Variants in TENT4A observed in about 807,000 individuals in gnomAD.
The protein encoded by TENT4A is DNA polymerase kappa.
Under a neutral mutation model 72.8 loss-of-function variants are expected in TENT4A, and 7 were observed. That is an observed-to-expected ratio of 0.10 (90% CI 0.05 to 0.18). The LOEUF (loss-of-function observed/expected upper bound fraction) is 0.18. Among genes scored for constraint, TENT4A ranks in the 10% least tolerant of loss-of-function variants. The pLI, the probability that TENT4A is intolerant of heterozygous loss-of-function variation, is 1.00. For synonymous variants in TENT4A, 456 were observed against 434.3 expected (o/e 1.05, Z -0.62); for missense variants, 831 against 1,017.7 (o/e 0.82, Z 2.50).
chr5:6,744,610 A>G (rs972645011), intron 6 of TENT4A, among the ~76,000 whole-genome samples: 5 of 152,204 alleles, frequency 3.3e-5, no homozygotes, highest in Non-Finnish European at 5.9e-5. Flanking sequence ...CATGAATGCT[A>G]TGATAGTAGA....
At chr5:6,723,116 T>C (rs1740742800) in intron 1 of TENT4A, among the ~76,000 whole-genome samples, 1 of 152,264 alleles carries the variant, frequency 6.6e-6, no homozygotes, top group Non-Finnish European at 1.5e-5. Flanking sequence ...CAGTAAAAGC[T>C]GTGTTACTCA....
intron 1 of TENT4A, among the ~76,000 whole-genome samples, chr5:6,735,845 C>A (rs1465583719): frequency 6.6e-6 from 1 of 151,606 alleles, no homozygotes; most frequent in East Asian, 1.9e-4. Context: ...ACTGCAGCCT[C>A]TGCCTCCTGG....
intron 11 of TENT4A, 21 bp downstream of exon 11, chr5:6,751,218 C>T (rs1316535524): frequency 1.2e-6 from 2 of 1,613,778 alleles, no homozygotes; most frequent in East Asian, 2.2e-5. Flanking sequence ...CTCTGGCACC[C>T]TTCCCGCTGG....
intron 1 of TENT4A, among the ~76,000 whole-genome samples, chr5:6,735,903 AG>A (rs2126629641): frequency 6.6e-6 from 1 of 152,056 alleles, no homozygotes; most frequent in East Asian, 1.9e-4. Flanking sequence ...TGGGACTACA[AG>A]CATGTGCCAC....
intron 1 of TENT4A, among the ~76,000 whole-genome samples, chr5:6,720,719 T>TAAAA (rs912058455): frequency 2.3e-4 from 32 of 138,648 alleles, no homozygotes; most frequent in East Asian, 2.1e-3. Flanking sequence ...AATAAATAAA[T>TAAAA]AAAAGTTTGC....
At chr5:6,742,431 A>C in intron 4 of TENT4A, 59 bp from the exon 5 acceptor site, 1 of 1,078,706 alleles carries the variant, frequency 9.3e-7, no homozygotes, top group Non-Finnish European at 1.4e-6. Context: ...CAGCATTTTG[A>C]TGCCTGGCTG....
chr5:6,737,783 G>A lies in TENT4A; in HGVS notation c.840+150G>A, dbSNP rs28363344. The A allele has an allele frequency of 1.5e-4, 127 of 847,232 alleles. No individual in the cohort carries two copies. The African/African-American group carries it at 1.8e-3, about 12-fold the overall frequency. 52.5% of individuals were successfully genotyped at this position (847,232 alleles called of 1,614,324 possible). A position where few individuals can be genotyped will look rare whatever the true frequency, so the allele number is the denominator to read the frequency against. Reference sequence around the variant, plus strand: ...CCAAGTGTGCTTTGAGAAGGCCTCCGTTGCCTGGAATGCATGGCCCCCGGC... The same window carrying A: ...CCAAGTGTGCTTTGAGAAGGCCTCCATTGCCTGGAATGCATGGCCCCCGGC... On this transcript the variant is annotated intron_variant, in intron 2 of 12. Transcript: ENST00000230859.
At chr5:6,719,063 C>T (rs1740524141) in intron 1 of TENT4A, among the ~76,000 whole-genome samples, 1 of 151,950 alleles carries the variant, frequency 6.6e-6, no homozygotes, top group Admixed American at 6.5e-5. Context: ...TGTGATGGAA[C>T]AACAGTGTCA....
At chr5:6,746,523 G>T (rs1206621061) in intron 7 of TENT4A, 96 bp downstream of exon 7, 12 of 1,077,758 alleles carry the variant, frequency 1.1e-5, no homozygotes, top group Non-Finnish European at 1.5e-5. Flanking sequence ...GCCCCGGGCA[G>T]TTCATTTGCT....
intron 1 of TENT4A, among the ~76,000 whole-genome samples, chr5:6,729,773 G>T (rs1417578697): frequency 2.0e-5 from 3 of 152,214 alleles, no homozygotes; most frequent in South Asian, 4.1e-4. Context: ...TGGTTTTTTT[G>T]TGTGTGTGTG....
At chr5:6,721,914 C>A (rs566086998) in intron 1 of TENT4A, among the ~76,000 whole-genome samples, 1 of 152,270 alleles carries the variant, frequency 6.6e-6, no homozygotes, top group East Asian at 1.9e-4. Flanking sequence ...TTCTGTCTTT[C>A]CGTTTGAAAG....
chr5:6,714,346 G>T lies in TENT4A; in HGVS notation c.363G>T (p.Ser121=). ...SSSSSSSNAE[S]GTESPGCSSS... is the part of the protein sequence containing the mutation. The stretch of plus-strand genomic sequence containing the variant: ...CGTCCTCCTCGTCCAACGCGGAGTC[G>T]GGCACCGAGAGCCCCGGCTGCTCGT... Residue 121 remains serine (S), a synonymous_variant, in exon 1 of 13, where the codon TCG becomes TCT. Coordinates refer to ENST00000230859, the MANE Select transcript of TENT4A (RefSeq NM_006999.6). The T allele has an allele frequency of 8.8e-7, 1 of 1,135,634 alleles. No homozygotes were observed. The highest frequency in any genetic ancestry group is 1.1e-6 in the Non-Finnish European group (1 of 926,676). The allele number at this position is 1,135,634 out of a possible 1,614,324, so 70.3% of individuals were successfully genotyped here. A position where few individuals can be genotyped will look rare whatever the true frequency, so the allele number is the denominator to read the frequency against.
intron 1 of TENT4A, among the ~76,000 whole-genome samples, chr5:6,729,817 GGTGCCTCCCCTGGGTT>G (rs1209374709): frequency 6.6e-6 from 1 of 152,098 alleles, no homozygotes; most frequent in Non-Finnish European, 1.5e-5. Flanking sequence ...AAGCAGGTGG[GGTGCCTCCCCTGGGTT>G]TGCTCCGGGT....
chr5:6,714,485 G>A lies in TENT4A; in HGVS notation c.502G>A (p.Gly168Arg), dbSNP rs1396235805. The A allele has an allele frequency of 3.4e-6, 4 of 1,182,978 alleles. No homozygotes were observed. The highest frequency in any genetic ancestry group is 3.7e-5 in the East Asian group (1 of 27,282). 73.3% of individuals were successfully genotyped at this position (1,182,978 alleles called of 1,614,324 possible). A position where few individuals can be genotyped will look rare whatever the true frequency, so the allele number is the denominator to read the frequency against. The part of the protein sequence containing the change: ...SAPGTANGHP[G>R]PRGPAPAGSP... Reference sequence around the variant, plus strand: ...CCCTGGCACAGCCAACGGGCACCCCGGGCCGCGCGGCCCCGCGCCCGCCGG... The same window carrying A: ...CCCTGGCACAGCCAACGGGCACCCCAGGCCGCGCGGCCCCGCGCCCGCCGG... Residue 168 changes from glycine (G) to arginine (R), a missense_variant, in exon 1 of 13, where the codon GGG (glycine) becomes AGG (arginine). Gly to Arg is a moderately radical substitution (Grantham distance 125). Transcript: ENST00000230859.
rs1326178908 is a variant in TENT4A at position 6,741,522 on chromosome 5, T to C, written c.1009-968T>C. Among the ~76,000 whole-genome samples the C allele has an allele frequency of 3.9e-5, 6 of 152,328 alleles. No individual in the cohort carries two copies. In the East Asian group the frequency reaches 1.2e-3, roughly 29 times the overall value. Reference sequence around the variant, plus strand: ...GTCAGGGAGGCATAGCCATTGAGTGTTGGCTTCTTCCAAAGCAGTTTCTGA... The same window carrying C: ...GTCAGGGAGGCATAGCCATTGAGTGCTGGCTTCTTCCAAAGCAGTTTCTGA... On this transcript the variant is annotated intron_variant, in intron 4 of 12. Transcript: ENST00000230859.
chr5:6,749,647 G>C lies in TENT4A; in HGVS notation c.1677G>C (p.Ser559=), dbSNP rs200147655. 6 of 1,608,066 alleles carry C rather than the reference G, an allele frequency of 3.7e-6. No individual in the cohort carries two copies. Among genetic ancestry groups the C allele is most frequent in the South Asian group, 1.1e-5 (1 of 90,938 alleles). ...KEKWGSKAHP[S]PGMDSRIKIK... ...AGTGGGGCAGCAAAGCCCACCCGTCGCCAGGCATGGGTGAGAGATTAATTC... is the reference window on the plus strand; with the variant it reads ...AGTGGGGCAGCAAAGCCCACCCGTCCCCAGGCATGGGTGAGAGATTAATTC... Residue 559 remains serine (S), a synonymous_variant, in exon 9 of 13, where the codon TCG becomes TCC. Transcript: ENST00000230859.
chr5:6,739,369 C>T (rs146492547), intron 3 of TENT4A, among the ~76,000 whole-genome samples: 4 of 152,254 alleles, frequency 2.6e-5, no homozygotes, highest in East Asian at 3.9e-4. Context: ...TCTCTGGGTC[C>T]GCAGGAGTGA....
chr5:6,746,900 C>T (rs1742134432), intron 7 of TENT4A, among the ~76,000 whole-genome samples: 1 of 152,204 alleles, frequency 6.6e-6, no homozygotes, highest in African/African-American at 2.4e-5. Flanking sequence ...TTGACCCTTT[C>T]CTATGTGTGT....
At chr5:6,743,593 C>T (rs1741938367) in intron 5 of TENT4A, 119 bp from the exon 6 acceptor site, 1 of 767,208 alleles carries the variant, frequency 1.3e-6, no homozygotes, top group Admixed American at 2.7e-5. Flanking sequence ...GACTGAGAGC[C>T]TTCAGATGGG....
Sources: gnomAD v4.1 joint callset for allele counts (sites outside exome capture counted in the v4.1 genomes callset) on GRCh38, gnomAD v4.1.1 for gene constraint, MANE v1.5 for transcripts, NCBI Gene and HGNC (gene_info 2026-07-23, HGNC 2026-07-21) for gene names.